The following ABTB3 variants were observed in gnomAD, a reference collection of about 807,000 sequenced individuals.
ABTB3 encodes the protein ankyrin repeat- and BTB/POZ domain-containing protein 3.
the ABTB3 span, among the ~76,000 whole-genome samples, chr12:107,529,018 A>G: frequency 6.7e-6 from 1 of 149,764 alleles, no homozygotes; most frequent in Non-Finnish European, 1.5e-5. Flanking sequence ...GATGGTGGTG[A>G]TGATAATGGT....
the ABTB3 span, among the ~76,000 whole-genome samples, chr12:107,563,912 A>G: frequency 6.6e-6 from 1 of 152,202 alleles, no homozygotes. Context: ...GCTAATTAAT[A>G]AATGGCCAGG....
the ABTB3 span, among the ~76,000 whole-genome samples, chr12:107,448,169 C>G: frequency 2.0e-5 from 3 of 152,166 alleles, no homozygotes; most frequent in Non-Finnish European, 1.5e-5. Context: ...TTGATCATCT[C>G]CCAAACCAGG....
At chr12:107,653,238 C>T in the ABTB3 span, among the ~76,000 whole-genome samples, 3 of 152,166 alleles carry the variant, frequency 2.0e-5, no homozygotes, top group African/African-American at 7.2e-5. Flanking sequence ...TTGCATTGGC[C>T]GGGCACAGTG....
the ABTB3 span, among the ~76,000 whole-genome samples, chr12:107,588,796 C>A: frequency 1.3e-5 from 2 of 152,212 alleles, no homozygotes; most frequent in Non-Finnish European, 2.9e-5. Flanking sequence ...GCTGAGATTA[C>A]AAGCGTGAGC....
chr12:107,580,826 T>G, the ABTB3 span: 9 of 1,531,948 alleles, frequency 5.9e-6, no homozygotes, highest in Admixed American at 2.0e-5. Flanking sequence ...ATCCTTATGT[T>G]CACATGATCG....
the ABTB3 span, among the ~76,000 whole-genome samples, chr12:107,432,683 CAAG>C: frequency 3.5e-4 from 54 of 152,240 alleles, no homozygotes; most frequent in African/African-American, 1.3e-3. Context: ...CAGTGCAGGT[CAAG>C]AAGAACAAGA....
the ABTB3 span, among the ~76,000 whole-genome samples, chr12:107,581,511 C>T: frequency 6.6e-6 from 1 of 152,210 alleles, no homozygotes; most frequent in East Asian, 1.9e-4. Context: ...CGCGGCGAGG[C>T]CCGTGGAGGA....
chr12:107,377,954 G>A, the ABTB3 span, among the ~76,000 whole-genome samples: 1 of 152,158 alleles, frequency 6.6e-6, no homozygotes, highest in Non-Finnish European at 1.5e-5. Context: ...GCTCAAGAAG[G>A]GTGGGAAGAA....
At chr12:107,469,033 TAAC>T in the ABTB3 span, among the ~76,000 whole-genome samples, 1 of 152,190 alleles carries the variant, frequency 6.6e-6, no homozygotes, top group Non-Finnish European at 1.5e-5. Context: ...AAGACAAGGA[TAAC>T]AACATCCCCT....
the ABTB3 span, among the ~76,000 whole-genome samples, chr12:107,626,067 C>T: frequency 6.6e-6 from 1 of 152,104 alleles, no homozygotes; most frequent in Non-Finnish European, 1.5e-5. Flanking sequence ...CCCTCAGTTG[C>T]AGCTTCTTCA....
the ABTB3 span, among the ~76,000 whole-genome samples, chr12:107,504,299 G>T: frequency 2.0e-5 from 3 of 151,730 alleles, no homozygotes; most frequent in African/African-American, 7.3e-5. Context: ...ATGCTTTTAC[G>T]TGCCATTAAC....
At chr12:107,581,040 G>A in the ABTB3 span, 1 of 1,550,740 alleles carries the variant, frequency 6.4e-7, no homozygotes, top group African/African-American at 1.4e-5. Context: ...GGTGTGGGCT[G>A]GGGAGTCGGG....
At chr12:107,549,476 G>A in the ABTB3 span, among the ~76,000 whole-genome samples, 3 of 152,220 alleles carry the variant, frequency 2.0e-5, no homozygotes, top group Admixed American at 2.0e-4. Context: ...TCTAAGGAAT[G>A]TAAATCAGAA....
At chr12:107,469,839 TTCTC>T in the ABTB3 span, among the ~76,000 whole-genome samples, 1 of 146,862 alleles carries the variant, frequency 6.8e-6, no homozygotes, top group Non-Finnish European at 1.5e-5. Context: ...CGTCCTTCCT[TTCTC>T]TCTCTTTCTC....
the ABTB3 span, among the ~76,000 whole-genome samples, chr12:107,408,158 C>T: frequency 2.6e-5 from 4 of 152,062 alleles, no homozygotes; most frequent in East Asian, 3.9e-4. Context: ...AGGAGATAGG[C>T]GTGCTCTGTG....
At chr12:107,589,071 G>A in the ABTB3 span, among the ~76,000 whole-genome samples, 1 of 152,184 alleles carries the variant, frequency 6.6e-6, no homozygotes, top group Non-Finnish European at 1.5e-5. Flanking sequence ...TTATGTATCT[G>A]TAAAATGAGG....
chr12:107,567,176 T>G, the ABTB3 span, among the ~76,000 whole-genome samples: 16 of 152,368 alleles, frequency 1.1e-4, no homozygotes, highest in South Asian at 3.3e-3. Context: ...TGACCTGTGC[T>G]CAGAGTAGTC....
the ABTB3 span, among the ~76,000 whole-genome samples, chr12:107,383,625 A>T: frequency 1.3e-5 from 2 of 152,302 alleles, no homozygotes; most frequent in African/African-American, 4.8e-5. Flanking sequence ...CTGCCTATTC[A>T]AGGGGACAGG....
chr12:107,389,959 G>A, the ABTB3 span, among the ~76,000 whole-genome samples: 9 of 151,814 alleles, frequency 5.9e-5, no homozygotes, highest in Non-Finnish European at 8.8e-5. Flanking sequence ...GTCTTTCCAT[G>A]TGTTCTCTCT....
Sources: gnomAD v4.1 joint callset for allele counts (sites outside exome capture counted in the v4.1 genomes callset) on GRCh38, gnomAD v4.1.1 for gene constraint, MANE v1.5 for transcripts, NCBI Gene and HGNC (gene_info 2026-07-23, HGNC 2026-07-21) for gene names.